Variants in HS3ST5 observed in about 807,000 individuals in gnomAD.
HS3ST5 encodes heparan sulfate-glucosamine 3-sulfotransferase 5.
Under a neutral mutation model 25.4 loss-of-function variants are expected in HS3ST5, and 10 were observed. That is an observed-to-expected ratio of 0.39 (90% CI 0.24 to 0.67). The LOEUF (loss-of-function observed/expected upper bound fraction) is 0.67. HS3ST5 is among the 30% of genes least tolerant of loss of function. The probability of loss-of-function intolerance (pLI) is 0.44; values close to 1 mark genes in which losing one functional copy is unlikely to be tolerated. For synonymous variants in HS3ST5, 170 were observed against 162.4 expected (o/e 1.05, Z -0.36); for missense variants, 324 against 420.7 (o/e 0.77, Z 2.01).
At chr6:114,227,508 T>A (rs977153121) in intron 2 of HS3ST5, among the ~76,000 whole-genome samples, 1 of 151,898 alleles carries the variant, frequency 6.6e-6, no homozygotes, top group Admixed American at 6.6e-5. Context: ...AAACTTAAAA[T>A]TACAAATTAT....
chr6:114,266,657 T>C (rs1773416074), intron 1 of HS3ST5, among the ~76,000 whole-genome samples: 1 of 152,202 alleles, frequency 6.6e-6, no homozygotes, highest in Non-Finnish European at 1.5e-5. Flanking sequence ...AATTTGCCAC[T>C]ATTTTTCTTC....
chr6:114,212,973 A>C, intron 2 of HS3ST5, among the ~76,000 whole-genome samples: 1 of 152,322 alleles, frequency 6.6e-6, no homozygotes, highest in Non-Finnish European at 1.5e-5. Context: ...TAACAGCTCA[A>C]TGTGACAGCC....
At chr6:114,184,017 G>T (rs1780085343) in intron 2 of HS3ST5, among the ~76,000 whole-genome samples, 1 of 149,812 alleles carries the variant, frequency 6.7e-6, no homozygotes, top group South Asian at 2.1e-4. Context: ...ATATTTATAG[G>T]ATATTTAGCT....
chr6:114,060,555 T>C (rs1773051486), intron 4 of HS3ST5, among the ~76,000 whole-genome samples: 1 of 152,228 alleles, frequency 6.6e-6, no homozygotes. Flanking sequence ...AAGGCATCCA[T>C]TGATGGATTT....
chr6:114,229,142 C>T (rs895087002), intron 1 of HS3ST5, among the ~76,000 whole-genome samples: 9 of 152,120 alleles, frequency 5.9e-5, no homozygotes, highest in Admixed American at 2.6e-4. Context: ...CTATCACCCC[C>T]GTAAAAGATA....
chr6:114,090,458 G>C (rs1271543361), intron 3 of HS3ST5, among the ~76,000 whole-genome samples: 2 of 151,830 alleles, frequency 1.3e-5, no homozygotes, highest in Non-Finnish European at 2.9e-5. Flanking sequence ...CCTCTTCTCT[G>C]TCCTTCTTTC....
chr6:114,163,803 G>GT (rs1016946702), intron 3 of HS3ST5, among the ~76,000 whole-genome samples: 2 of 152,000 alleles, frequency 1.3e-5, no homozygotes, highest in African/African-American at 4.8e-5. Flanking sequence ...CTATTTGAGA[G>GT]TTTTTCTTTT....
chr6:114,268,171 G>C (rs1218403280), intron 1 of HS3ST5, among the ~76,000 whole-genome samples: 1 of 152,118 alleles, frequency 6.6e-6, no homozygotes, highest in Non-Finnish European at 1.5e-5. Context: ...CCAAGTTCTT[G>C]GATGGCTTTC....
At position 114,312,916 on chromosome 6, in the gene HS3ST5, A is replaced by G. The variant is rs371393672; in HGVS notation, c.-339+29279T>C. Among the ~76,000 whole-genome samples the G allele has an allele frequency of 5.5e-5, 8 of 145,338 alleles. No individual in the cohort carries two copies. The East Asian group carries it at 1.7e-3, about 32-fold the overall frequency. On this transcript the variant is annotated intron_variant, in intron 1 of 4. Coordinates refer to ENST00000312719, the MANE Select transcript of HS3ST5 (RefSeq NM_153612.4). ...ATGGTGGTACATGCCTATAGTTACT[A>G]GGGAGGCTGAGGTGGGAAGATCACT...
intron 3 of HS3ST5, among the ~76,000 whole-genome samples, chr6:114,120,178 CA>C (rs74607287): frequency 2.2e-4 from 34 of 151,504 alleles, no homozygotes; most frequent in South Asian, 1.0e-3. Context: ...CAAAAAACAA[CA>C]AAAAAAACCC....
chr6:114,065,639 T>A (rs1158093148), intron 3 of HS3ST5, among the ~76,000 whole-genome samples: 1 of 152,238 alleles, frequency 6.6e-6, no homozygotes, highest in African/African-American at 2.4e-5. Flanking sequence ...GCCAGACTAA[T>A]GCAAAGGATT....
chr6:114,112,812 C>T (rs780777251), intron 3 of HS3ST5, among the ~76,000 whole-genome samples: 10 of 152,034 alleles, frequency 6.6e-5, no homozygotes, highest in South Asian at 2.1e-4. Flanking sequence ...CTTACTTTAC[C>T]GAAAAAACAA....
At chr6:114,169,266 A>AT (rs1262072121) in intron 2 of HS3ST5, among the ~76,000 whole-genome samples, 3 of 152,052 alleles carry the variant, frequency 2.0e-5, no homozygotes, top group African/African-American at 7.2e-5. Context: ...ACTTGGATCT[A>AT]TTATATGCAA....
At position 114,093,353 on chromosome 6, in the gene HS3ST5, TTGTGTGTGTGTGTGTGTG is replaced by T. The variant is rs60927880; in HGVS notation, c.-32-30494_-32-30477del. On this transcript the variant is annotated intron_variant, in intron 3 of 4. Coordinates refer to ENST00000312719, the MANE Select transcript of HS3ST5 (RefSeq NM_153612.4). ...CCTTGTATCTTTTTTGTTTGTTTGT[TTGTGTGTGTGTGTGTGTG>T]TGTGTGTGTGTGTGTGTGTGTGTGT... Among the ~76,000 whole-genome samples, 36 of 134,328 alleles carry T rather than the reference TTGTGTGTGTGTGTGTGTG, an allele frequency of 2.7e-4. No homozygotes were observed. In the South Asian group the frequency reaches 2.7e-3, roughly 10 times the overall value. The allele number at this position is 134,328 out of a possible 152,430, so 88.1% of individuals were successfully genotyped here.
intron 1 of HS3ST5, among the ~76,000 whole-genome samples, chr6:114,280,641 C>T (rs1256453705): frequency 6.6e-6 from 1 of 151,982 alleles, no homozygotes; most frequent in Non-Finnish European, 1.5e-5. Flanking sequence ...GATTTCAGTA[C>T]AATTATTTTC....
chr6:114,154,708 G>A (rs527975901), intron 3 of HS3ST5, among the ~76,000 whole-genome samples: 9 of 152,196 alleles, frequency 5.9e-5, no homozygotes, highest in African/African-American at 2.2e-4. Context: ...GAAGGCAGGA[G>A]GAGGGGCACA....
At chr6:114,234,582 C>T (rs1375376518) in intron 1 of HS3ST5, among the ~76,000 whole-genome samples, 2 of 152,034 alleles carry the variant, frequency 1.3e-5, no homozygotes, top group Non-Finnish European at 2.9e-5. Context: ...GTTGAAGCTG[C>T]ACTGTTTATT....
At chr6:114,224,322 T>C (rs1413730433) in intron 2 of HS3ST5, among the ~76,000 whole-genome samples, 1 of 151,640 alleles carries the variant, frequency 6.6e-6, no homozygotes, top group African/African-American at 2.4e-5. Flanking sequence ...CACAAAGGAT[T>C]TGAGAAAATC....
intron 3 of HS3ST5, among the ~76,000 whole-genome samples, chr6:114,071,114 A>G (rs987964712): frequency 6.6e-6 from 1 of 152,192 alleles, no homozygotes; most frequent in Non-Finnish European, 1.5e-5. Flanking sequence ...ACACAGAACA[A>G]CTTGCAGTTC....
Sources: allele counts gnomAD v4.1 joint callset (sites outside exome capture counted in the v4.1 genomes callset), GRCh38; gene constraint gnomAD v4.1.1; transcripts MANE v1.5; gene names NCBI Gene and HGNC (gene_info 2026-07-23, HGNC 2026-07-21).